TRIO: variants seen among roughly 807,000 people sequenced by gnomAD.
The protein encoded by TRIO is trio Rho guanine nucleotide exchange factor.
A neutral mutation model predicts 351.9 loss-of-function variants in TRIO; 58 were observed. That is an observed-to-expected ratio of 0.16 (90% confidence interval 0.13 to 0.21). TRIO has a LOEUF of 0.21. Among genes scored for constraint, TRIO ranks in the 10% least tolerant of loss-of-function variants. TRIO has a pLI of 1.00. For missense variants in TRIO, 3,201 were observed against 4,027.8 expected (o/e 0.79, Z 5.56); for synonymous variants, 1,758 against 1,595.7 (o/e 1.10, Z -2.42).
chr5:14,194,636 A>G (rs1024211037), intron 1 of TRIO, among the ~76,000 whole-genome samples: 3 of 152,238 alleles, frequency 2.0e-5, no homozygotes, highest in African/African-American at 7.2e-5. Context: ...ATCTCTGAAT[A>G]TTTAGTCATT....
At chr5:14,206,958 G>A (rs1046655734) in intron 1 of TRIO, among the ~76,000 whole-genome samples, 5 of 151,766 alleles carry the variant, frequency 3.3e-5, no homozygotes, top group African/African-American at 1.2e-4. Context: ...CTCTGTCAAG[G>A]GATGTATAAA....
At chr5:14,167,723 C>G (rs1215858643) in intron 1 of TRIO, among the ~76,000 whole-genome samples, 2 of 152,016 alleles carry the variant, frequency 1.3e-5, no homozygotes, top group Non-Finnish European at 2.9e-5. Context: ...AGAGGCTGGG[C>G]AAGGGCCTCT....
At chr5:14,332,272 G>A (rs1740973791) in intron 10 of TRIO, among the ~76,000 whole-genome samples, 1 of 152,152 alleles carries the variant, frequency 6.6e-6, no homozygotes, top group African/African-American at 2.4e-5. Flanking sequence ...TATGTGCCAC[G>A]TAATTATCTT....
chr5:14,477,922 AT>A (rs1561536021), intron 41 of TRIO, among the ~76,000 whole-genome samples: 1 of 152,198 alleles, frequency 6.6e-6, no homozygotes, highest in African/African-American at 2.4e-5. Context: ...TATTTCCAAA[AT>A]TTTAATTTTT....
chr5:14,491,865 C>A (rs1007444222), intron 48 of TRIO, among the ~76,000 whole-genome samples: 1 of 152,158 alleles, frequency 6.6e-6, no homozygotes, highest in Non-Finnish European at 1.5e-5. Flanking sequence ...GTGATATGTT[C>A]CCATGGCAGC....
At chr5:14,239,203 A>G (rs969095460) in intron 1 of TRIO, among the ~76,000 whole-genome samples, 30 of 152,318 alleles carry the variant, frequency 2.0e-4, no homozygotes, top group African/African-American at 6.0e-4. Flanking sequence ...TTATGCTAAA[A>G]TACTTCTTTT....
chr5:14,203,863 T>C (rs949030834), intron 1 of TRIO, among the ~76,000 whole-genome samples: 1 of 152,206 alleles, frequency 6.6e-6, no homozygotes, highest in Non-Finnish European at 1.5e-5. Flanking sequence ...ACAGCAGGAA[T>C]AGCGTGTAAA....
intron 1 of TRIO, among the ~76,000 whole-genome samples, chr5:14,190,337 C>G (rs991634427): frequency 6.6e-5 from 10 of 152,126 alleles, no homozygotes; most frequent in African/African-American, 2.4e-4. Flanking sequence ...ACAGAGCTAA[C>G]AGCAAACTCA....
chr5:14,482,502 C>T, intron 45 of TRIO, 80 bp from the exon 46 acceptor site: 4 of 1,145,812 alleles, frequency 3.5e-6, no homozygotes, highest in Non-Finnish European at 3.4e-6. Context: ...AGGAGGAAAT[C>T]TAAAGAAAAC....
intron 48 of TRIO, among the ~76,000 whole-genome samples, chr5:14,490,343 G>T (rs1202620834): frequency 6.6e-6 from 1 of 152,206 alleles, no homozygotes; most frequent in African/African-American, 2.4e-5. Context: ...CTTCCTCCTT[G>T]ATCACTTCTG....
chr5:14,367,060 C>T, intron 16 of TRIO, 81 bp downstream of exon 16: 1 of 1,571,996 alleles, frequency 6.4e-7, no homozygotes, highest in East Asian at 2.3e-5. Flanking sequence ...ATGGCACTGA[C>T]CATGGGAACC....
At chr5:14,502,072 A>T (rs1187513463) in intron 53 of TRIO, among the ~76,000 whole-genome samples, 1 of 152,152 alleles carries the variant, frequency 6.6e-6, no homozygotes, top group African/African-American at 2.4e-5. Context: ...AACCATGTAA[A>T]ACCCTGTGGA....
chr5:14,298,410 G>A (rs1737555702), intron 7 of TRIO, among the ~76,000 whole-genome samples: 1 of 152,202 alleles, frequency 6.6e-6, no homozygotes, highest in African/African-American at 2.4e-5. Flanking sequence ...CATATATGGG[G>A]TAGAGGAAAA....
intron 7 of TRIO, among the ~76,000 whole-genome samples, chr5:14,303,182 A>G (rs1349970877): frequency 7.8e-6 from 1 of 127,486 alleles, no homozygotes; most frequent in Non-Finnish European, 1.8e-5. Context: ...TGGCTGCCGC[A>G]GGACTGTTGA....
rs142340024 is a variant in TRIO at position 14,318,153 on chromosome 5, G to A, written c.1731+1410G>A. 5.3e-3 allele frequency among the ~76,000 whole-genome samples: 802 copies of A among 150,374 alleles called. 8 individuals carry two copies. The highest frequency in any genetic ancestry group is 0.018 in the African/African-American group (719 of 40,936). On this transcript the variant is annotated intron_variant, in intron 9 of 56. Coordinates refer to ENST00000344204, the MANE Select transcript of TRIO (RefSeq NM_007118.4). ...AAAGAAAAAAAAAAAAATTAGCCTG[G>A]CATGCTGGCACATGCTTGTAATCCC...
At chr5:14,433,817 C>T (rs1751374647) in intron 34 of TRIO, among the ~76,000 whole-genome samples, 1 of 151,962 alleles carries the variant, frequency 6.6e-6, no homozygotes, top group African/African-American at 2.4e-5. Flanking sequence ...TTTATATATC[C>T]AGTATTTTGA....
rs940500147 is a variant in TRIO at position 14,148,466 on chromosome 5, TAATC to T, written c.157+4588_157+4591del. On this transcript the variant is annotated intron_variant, in intron 1 of 56. Coordinates refer to ENST00000344204, the MANE Select transcript of TRIO (RefSeq NM_007118.4). The stretch of plus-strand genomic sequence containing the variant: ...GAATTCCAGAGAAAAGTCTAATTCT[TAATC>T]AATAGCCACACTTTACTGCCTAGTA... 2.0e-5 allele frequency among the ~76,000 whole-genome samples: 3 copies of T among 152,216 alleles called. No individual in the cohort carries two copies. In the South Asian group the frequency reaches 6.2e-4, roughly 32 times the overall value.
intron 11 of TRIO, among the ~76,000 whole-genome samples, chr5:14,344,510 A>G (rs779915442): frequency 1.2e-4 from 18 of 152,222 alleles, no homozygotes; most frequent in Non-Finnish European, 2.1e-4. Flanking sequence ...AATATAGGAT[A>G]ATACAATCTC....
At chr5:14,479,630 T>A (rs558956448) in intron 42 of TRIO, among the ~76,000 whole-genome samples, 20 of 152,268 alleles carry the variant, frequency 1.3e-4, no homozygotes, top group Non-Finnish European at 2.6e-4. Flanking sequence ...GTCAGAATAA[T>A]TATTATCTAA....
Sources: gnomAD v4.1 joint callset for allele counts (sites outside exome capture counted in the v4.1 genomes callset) on GRCh38, gnomAD v4.1.1 for gene constraint, MANE v1.5 for transcripts, NCBI Gene and HGNC (gene_info 2026-07-23, HGNC 2026-07-21) for gene names.